MIPOL1: variants seen among roughly 807,000 people sequenced by gnomAD.
MIPOL1 encodes mirror-image polydactyly 1, also known as mirror-image polydactyly gene 1 protein.
MIPOL1 carries 57 observed loss-of-function variants against 60.9 expected under a neutral mutation model. That is an observed-to-expected ratio of 0.94 (90% confidence interval 0.76 to 1.17). The LOEUF (loss-of-function observed/expected upper bound fraction) is 1.17, where lower values mean the gene tolerates loss of function less well. Among genes scored for constraint, MIPOL1 ranks in the 50% most tolerant of loss-of-function variants. The pLI, the probability that MIPOL1 is intolerant of heterozygous loss-of-function variation, is 0.00. For synonymous variants in MIPOL1, 179 were observed against 168.8 expected, an observed-to-expected ratio of 1.06 and a Z score of -0.47; for missense variants, 551 against 511.6, an observed-to-expected ratio of 1.08 and a Z score of -0.74.
chr14:37,322,903 A>G (rs947846182), intron 9 of MIPOL1, among the ~76,000 whole-genome samples: 3 of 151,940 alleles, frequency 2.0e-5, no homozygotes, highest in Non-Finnish European at 4.4e-5. Flanking sequence ...TAGATTGCAA[A>G]TTTTTCTCTC....
intron 11 of MIPOL1, among the ~76,000 whole-genome samples, chr14:37,483,050 A>G (rs1486857354): frequency 6.6e-6 from 1 of 152,016 alleles, no homozygotes; most frequent in Non-Finnish European, 1.5e-5. Context: ...AATAGTTGTT[A>G]TACTATATGT....
intron 11 of MIPOL1, among the ~76,000 whole-genome samples, chr14:37,464,167 T>G (rs1374506514): frequency 6.6e-6 from 1 of 152,144 alleles, no homozygotes. Flanking sequence ...GGAATGTAAA[T>G]TAGTACAACC....
chr14:37,529,850 C>T (rs1223678527), intron 12 of MIPOL1, among the ~76,000 whole-genome samples: 6 of 152,174 alleles, frequency 3.9e-5, no homozygotes, highest in South Asian at 2.1e-4. Context: ...ATCAGATAAG[C>T]GAGACTAGTC....
intron 12 of MIPOL1, among the ~76,000 whole-genome samples, chr14:37,529,557 G>A (rs112260010): frequency 0.02 from 3,078 of 152,156 alleles, 112 homozygotes; most frequent in African/African-American, 0.068. Context: ...GTAATATATT[G>A]CCATAATTTT....
intron 10 of MIPOL1, among the ~76,000 whole-genome samples, chr14:37,398,295 C>G (rs2093416607): frequency 6.6e-6 from 1 of 152,216 alleles, no homozygotes; most frequent in Admixed American, 6.5e-5. Flanking sequence ...TTTCCCACTT[C>G]CGCAGTTGGG....
chr14:37,408,372 G>A (rs1201629851), intron 10 of MIPOL1, among the ~76,000 whole-genome samples: 5 of 152,146 alleles, frequency 3.3e-5, no homozygotes, highest in Non-Finnish European at 1.5e-5. Flanking sequence ...GCTCACACCT[G>A]TAGTCTCAGT....
chr14:37,303,563 G>A (rs950686388), intron 7 of MIPOL1, among the ~76,000 whole-genome samples: 1 of 151,476 alleles, frequency 6.6e-6, no homozygotes, highest in Non-Finnish European at 1.5e-5. Flanking sequence ...ATTTGTTACA[G>A]TTTTTATTAA....
chr14:37,351,154 C>G (rs1213302697), intron 9 of MIPOL1, among the ~76,000 whole-genome samples: 6 of 144,270 alleles, frequency 4.2e-5, no homozygotes, highest in African/African-American at 1.5e-4. Flanking sequence ...TGAGAATATG[C>G]GGTGTTTGGT....
chr14:37,228,017 A>G (rs1970014923), intron 1 of MIPOL1, among the ~76,000 whole-genome samples: 1 of 152,306 alleles, frequency 6.6e-6, no homozygotes, highest in East Asian at 1.9e-4. Context: ...AGAGGAAATG[A>G]TGGTTAGATC....
rs1946665464 is a variant in MIPOL1, at chr14:37,500,100, CAG to C, written c.1229_1230del (p.Glu410GlyfsTer7). On this transcript the variant is annotated frameshift_variant, in exon 12 of 13. Transcript: ENST00000684589. LOFTEE classifies it high-confidence loss of function. ...ANMELQLQHAREASQVANEKV... is the reference protein window; with the variant it reads ...ANMELQLQHAXEASQVANEKV... ...ATATGGAATTACAACTTCAACATGC[CAG>C]AGAGGCCTCCCAAGTGGCCAATGAA... 1 of 1,613,232 alleles carries C rather than the reference CAG, an allele frequency of 6.2e-7. No individual in the cohort carries two copies. Among genetic ancestry groups the C allele is most frequent in the African/African-American group, 1.3e-5 (1 of 74,870 alleles).
intron 9 of MIPOL1, among the ~76,000 whole-genome samples, chr14:37,331,840 T>TACAGTTCGAGATCTTACAGAAAGACA (rs1355308582): frequency 1.3e-5 from 2 of 152,192 alleles, no homozygotes; most frequent in Non-Finnish European, 2.9e-5. Flanking sequence ...GTCCTTGTCT[T>TACAGTTCGAGATCTTACAGAAAGACA]GTTCGAGATC....
At chr14:37,318,315 T>G (rs1172490635) in intron 9 of MIPOL1, among the ~76,000 whole-genome samples, 5 of 152,180 alleles carry the variant, frequency 3.3e-5, no homozygotes, top group Non-Finnish European at 5.9e-5. Flanking sequence ...AATAATGATG[T>G]TTAAAATATT....
At position 37,547,898 on chromosome 14, in the gene MIPOL1, G is replaced by A. The variant is rs1385160446; in HGVS notation, c.*927G>A. The stretch of plus-strand genomic sequence containing the variant: ...ATACAATTGTAATGTAGAAATATAA[G>A]AATTTAGAAAAAAGTAAACTTGCCA... On this transcript the variant is annotated 3_prime_UTR_variant, in exon 13 of 13. Transcript: ENST00000684589. The A allele has an allele frequency of 2.0e-5, 3 of 151,774 alleles. No homozygotes were observed. The highest frequency in any genetic ancestry group is 2.9e-5 in the Non-Finnish European group (2 of 67,882). 9.4% of individuals were successfully genotyped at this position (151,774 alleles called of 1,614,324 possible).
At chr14:37,207,325 C>T (rs1481633419) in intron 1 of MIPOL1, among the ~76,000 whole-genome samples, 1 of 152,058 alleles carries the variant, frequency 6.6e-6, no homozygotes, top group East Asian at 1.9e-4. Context: ...GTGCCTTTTA[C>T]CTTCCATGAT....
chr14:37,494,598 T>A (rs2095091484), intron 11 of MIPOL1, among the ~76,000 whole-genome samples: 1 of 151,674 alleles, frequency 6.6e-6, no homozygotes, highest in Admixed American at 6.6e-5. Context: ...ATAGAAGAGG[T>A]TTCCAGTGCA....
chr14:37,294,407 C>T (rs2085410414), intron 7 of MIPOL1, among the ~76,000 whole-genome samples: 1 of 152,144 alleles, frequency 6.6e-6, no homozygotes. Flanking sequence ...AGCGCCTCTC[C>T]TCCTCCAAAG....
At chr14:37,226,054 A>G (rs1030028961) in intron 1 of MIPOL1, among the ~76,000 whole-genome samples, 1 of 152,126 alleles carries the variant, frequency 6.6e-6, no homozygotes, top group Non-Finnish European at 1.5e-5. Flanking sequence ...TCCATCTGAG[A>G]CCACCTAAGC....
intron 7 of MIPOL1, among the ~76,000 whole-genome samples, chr14:37,297,218 C>G (rs1212516163): frequency 3.3e-5 from 5 of 152,138 alleles, no homozygotes; most frequent in Admixed American, 6.5e-5. Flanking sequence ...ATGATTATCT[C>G]AATAGATGCA....
intron 12 of MIPOL1, among the ~76,000 whole-genome samples, chr14:37,528,129 TA>T (rs2095458833): frequency 6.6e-6 from 1 of 152,242 alleles, no homozygotes; most frequent in Admixed American, 6.5e-5. Context: ...TACAAATTAC[TA>T]AAGTAATACA....
Sources: allele counts gnomAD v4.1 joint callset (sites outside exome capture counted in the v4.1 genomes callset), GRCh38; gene constraint gnomAD v4.1.1; transcripts MANE v1.5; gene names NCBI Gene and HGNC (gene_info 2026-07-23, HGNC 2026-07-21).